The following NOP14 variants were observed in gnomAD, a reference collection of about 807,000 sequenced individuals.
NOP14 encodes the protein nucleolar protein 14.
NOP14 carries 57 observed loss-of-function variants against 101.6 expected under a neutral mutation model. That is an observed-to-expected ratio of 0.56 (90% CI 0.45 to 0.70). The LOEUF (loss-of-function observed/expected upper bound fraction) is 0.70. NOP14 is among the 30% of genes least tolerant of loss of function. The pLI is 0.00. For synonymous variants in NOP14, 428 were observed against 424.0 expected, an observed-to-expected ratio of 1.01 and a Z score of -0.12; for missense variants, 1,134 against 1,075.5, an observed-to-expected ratio of 1.05 and a Z score of -0.76.
Position 2,950,096 on chromosome 4 carries a change from C to G in NOP14, c.1120G>C (p.Asp374His). The change falls in exon 8 of 18, where the codon GAC becomes CAC. Residue 374 changes from aspartate (D) to histidine (H), a missense_variant. Physicochemically the swap from Asp to His is moderately conservative, Grantham distance 81. Coordinates refer to ENST00000416614, the MANE Select transcript of NOP14 (RefSeq NM_001291978.2). The stretch of plus-strand genomic sequence containing the variant: ...AGGTCCAAGTGGCTATCTGGGCTGT[C>G]GCTCTCCTCTGTGTCCTCCCCGCCT... The part of the protein sequence containing the change: ...SSGGEDTEES[D>H]SPDSHLDLES... 1 of 1,614,094 alleles carries G rather than the reference C, an allele frequency of 6.2e-7. No individual in the cohort carries two copies. Among genetic ancestry groups the G allele is most frequent in the Non-Finnish European group, 8.5e-7 (1 of 1,179,998 alleles).
rs199837724 is a variant in NOP14, at chr4:2,951,137, C to T, written c.979G>A (p.Asp327Asn). The change falls in exon 7 of 18, where the codon GAC (aspartate) becomes AAC (asparagine). Residue 327 changes from aspartate (D) to asparagine (N), a missense_variant. Asp to Asn is a conservative substitution (Grantham distance 23). Transcript: ENST00000416614. ...LNDGFVLDKD[D>N]RRLLSYKDGK... ...ACTTTGTAGGAAAGCAAACGCCTGTCATCTTTATCTAGCACGAAGCCATCA... is the reference window on the plus strand; with the variant it reads ...ACTTTGTAGGAAAGCAAACGCCTGTTATCTTTATCTAGCACGAAGCCATCA... 1 of 1,612,766 alleles carries T rather than the reference C, an allele frequency of 6.2e-7. No homozygotes were observed. Among genetic ancestry groups the T allele is most frequent in the East Asian group, 2.2e-5 (1 of 44,878 alleles).
chr4:2,957,479 C>A, intron 2 of NOP14, 127 bp downstream of exon 2: 1 of 1,106,274 alleles, frequency 9.0e-7, no homozygotes, highest in Admixed American at 2.3e-5. Context: ...GCACAGGATT[C>A]GAGGGCTATC....
At chr4:2,945,710 GA>G (rs1213452773) in intron 11 of NOP14, among the ~76,000 whole-genome samples, 3 of 152,138 alleles carry the variant, frequency 2.0e-5, no homozygotes, top group African/African-American at 7.2e-5. Context: ...GAATAACATA[GA>G]AACCGAGACC....
At chr4:2,946,367 A>T in intron 11 of NOP14, 45 bp downstream of exon 11, 1 of 1,609,894 alleles carries the variant, frequency 6.2e-7, no homozygotes, top group Non-Finnish European at 8.5e-7. Context: ...GATGCCAAAC[A>T]GAACTTCTGT....
intron 10 of NOP14, 90 bp downstream of exon 10, chr4:2,947,436 T>G (rs1486544446): frequency 1.1e-6 from 1 of 917,262 alleles, no homozygotes; most frequent in Non-Finnish European, 1.7e-6. Context: ...CCTACCTTAG[T>G]AACTCTGGAA....
At chr4:2,958,563 T>C (rs1715503311) in intron 1 of NOP14, among the ~76,000 whole-genome samples, 1 of 152,258 alleles carries the variant, frequency 6.6e-6, no homozygotes, top group Admixed American at 6.5e-5. Context: ...GCCCTTGGAA[T>C]GATCCAATTC....
Position 2,963,343 on chromosome 4 carries a change from G to C in NOP14, c.-24C>G. The C allele has an allele frequency of 1.9e-6, 3 of 1,544,962 alleles. No homozygotes were observed. Among genetic ancestry groups the C allele is most frequent in the Non-Finnish European group, 2.6e-6 (3 of 1,151,922 alleles). On this transcript the variant is annotated 5_prime_UTR_variant, in exon 1 of 18. Transcript: ENST00000416614. ...ATGGCGCGCGCCCCGCTGCGCCCAA[G>C]GGCCCGAGACCCGAAGAGAGACAGG... is the stretch of plus-strand genomic sequence containing the variant.
Position 2,950,189 on chromosome 4 carries a change from C to G in NOP14, c.1027G>C (p.Asp343His), listed in dbSNP as rs148074434. The change falls in exon 8 of 18, where the codon GAT becomes CAT. Residue 343 changes from aspartate (D) to histidine (H), a missense_variant. Coordinates refer to ENST00000416614, the MANE Select transcript of NOP14 (RefSeq NM_001291978.2). The part of the protein sequence containing the change: ...YKDGKMNVEE[D>H]VQEEQSKEAS... ...TCCTTGCTTTGCTCTTCCTGGACATCTTCCTCGACATTCATCTTTCCATCC... is the reference window on the plus strand; with the variant it reads ...TCCTTGCTTTGCTCTTCCTGGACATGTTCCTCGACATTCATCTTTCCATCC... 1.2e-6 allele frequency: 2 copies of G among 1,613,968 alleles called. No individual in the cohort carries two copies. The highest frequency in any genetic ancestry group is 3.3e-5 in the Admixed American group (2 of 60,028).
intron 1 of NOP14, among the ~76,000 whole-genome samples, chr4:2,960,208 G>T (rs1293976211): frequency 3.3e-5 from 5 of 152,028 alleles, no homozygotes; most frequent in African/African-American, 1.2e-4. Context: ...CTGAGCTCAG[G>T]CAATCTGCCT....
chr4:2,959,402 G>T (rs1263329), intron 1 of NOP14, among the ~76,000 whole-genome samples: 3 of 151,830 alleles, frequency 2.0e-5, no homozygotes, highest in Admixed American at 6.6e-5. Context: ...ACCATCCTGG[G>T]TAACATGGTG....
At position 2,938,119 on chromosome 4, in the gene NOP14, T is replaced by G; in HGVS notation, c.*712A>C. On this transcript the variant is annotated 3_prime_UTR_variant, in exon 18 of 18. Coordinates refer to ENST00000416614, the MANE Select transcript of NOP14 (RefSeq NM_001291978.2). ...CCATTCCCGATCCCAGAGGTGCATT[T>G]CAGGATTCATTCTATTTCATCAGGT... 9.1e-7 allele frequency: 1 copy of G among 1,098,752 alleles called. No individual in the cohort carries two copies. Among genetic ancestry groups the G allele is most frequent in the Non-Finnish European group, 1.2e-6 (1 of 828,492 alleles). 68.1% of individuals were successfully genotyped at this position (1,098,752 alleles called of 1,614,324 possible).
At chr4:2,960,727 C>T (rs1383553055) in intron 1 of NOP14, among the ~76,000 whole-genome samples, 5 of 80,206 alleles carry the variant, frequency 6.2e-5, no homozygotes, top group African/African-American at 1.8e-4. Context: ...ATTATAATCA[C>T]ATTAATATTA....
chr4:2,953,389 C>T, intron 5 of NOP14, 122 bp downstream of exon 5: 1 of 1,030,606 alleles, frequency 9.7e-7, no homozygotes, highest in Non-Finnish European at 1.4e-6. Context: ...TATCAATGTT[C>T]AACAGAAACT....
At chr4:2,947,954 C>T (rs1399911957) in intron 9 of NOP14, among the ~76,000 whole-genome samples, 1 of 152,204 alleles carries the variant, frequency 6.6e-6, no homozygotes, top group African/African-American at 2.4e-5. Flanking sequence ...ATCACAGCCA[C>T]CTATCTGCCA....
At position 2,963,400 on chromosome 4, in the gene NOP14, C is replaced by T; in HGVS notation, c.-81G>A. ...CTACCCTAAGACACGTGCCGGGCCGCGGAACCGCTTCCTCGTCTCGCGAGA... is the reference window on the plus strand; with the variant it reads ...CTACCCTAAGACACGTGCCGGGCCGTGGAACCGCTTCCTCGTCTCGCGAGA... On this transcript the variant is annotated 5_prime_UTR_variant, in exon 1 of 18. Transcript: ENST00000416614. The T allele has an allele frequency of 2.2e-6, 3 of 1,370,010 alleles. No homozygotes were observed. Among genetic ancestry groups the T allele is most frequent in the Non-Finnish European group, 2.9e-6 (3 of 1,047,354 alleles). 84.9% of individuals were successfully genotyped at this position (1,370,010 alleles called of 1,614,324 possible). A position where few individuals can be genotyped will look rare whatever the true frequency, so the allele number is the denominator to read the frequency against.
intron 15 of NOP14, 83 bp from the exon 16 acceptor site, chr4:2,939,728 G>C (rs911110462): frequency 9.7e-7 from 1 of 1,034,956 alleles, no homozygotes; most frequent in South Asian, 1.3e-5. Flanking sequence ...GTGGTGTCAA[G>C]GCAGCGTGAG....
Position 2,938,613 on chromosome 4 carries a change from C to G in NOP14, c.*218G>C, listed in dbSNP as rs1014669343. The G allele has an allele frequency of 3.6e-6, 2 of 553,220 alleles. No individual in the cohort carries two copies. Among genetic ancestry groups the G allele is most frequent in the Non-Finnish European group, 6.4e-6 (2 of 312,068 alleles). 34.3% of individuals were successfully genotyped at this position (553,220 alleles called of 1,614,324 possible). On this transcript the variant is annotated 3_prime_UTR_variant, in exon 18 of 18. Coordinates refer to ENST00000416614, the MANE Select transcript of NOP14 (RefSeq NM_001291978.2). The stretch of plus-strand genomic sequence containing the variant: ...AACCTTGGACTCAGCTCAAGCAGTC[C>G]TCCTGCTTCAGCCTCCCGAGTAGTT...
rs1287771585 is a variant in NOP14 at position 2,938,456 on chromosome 4, G to A, written c.*375C>T. The A allele has an allele frequency of 1.7e-5, 6 of 347,950 alleles. No homozygotes were observed. The highest frequency in any genetic ancestry group is 2.2e-5 in the South Asian group (1 of 44,930). 21.6% of individuals were successfully genotyped at this position (347,950 alleles called of 1,614,324 possible). A position where few individuals can be genotyped will look rare whatever the true frequency, so the allele number is the denominator to read the frequency against. On this transcript the variant is annotated 3_prime_UTR_variant, in exon 18 of 18. Coordinates refer to ENST00000416614, the MANE Select transcript of NOP14 (RefSeq NM_001291978.2). ...AATCGCTTGAACCCAGGAGGTGGAG[G>A]TTGTGCCATTGCACTCCAGCCTGGG...
chr4:2,946,358 A>G (rs1482910210), intron 11 of NOP14, 54 bp downstream of exon 11: 12 of 1,605,742 alleles, frequency 7.5e-6, no homozygotes, highest in Middle Eastern at 1.7e-4. Flanking sequence ...ACCTTCTGTG[A>G]TGCCAAACAG....
Sources: allele counts gnomAD v4.1 joint callset (sites outside exome capture counted in the v4.1 genomes callset), GRCh38; gene constraint gnomAD v4.1.1; transcripts MANE v1.5; gene names NCBI Gene and HGNC (gene_info 2026-07-23, HGNC 2026-07-21).